DDX60: variants seen among roughly 807,000 people sequenced by gnomAD.
DDX60 encodes probable ATP-dependent RNA helicase DDX60.
Under a neutral mutation model 212.8 loss-of-function variants are expected in DDX60, and 165 were observed. That is an observed-to-expected ratio of 0.78 (90% confidence interval 0.68 to 0.88). The LOEUF (loss-of-function observed/expected upper bound fraction) is 0.88. DDX60 is among the 40% of genes least tolerant of loss of function. The pLI, the probability that DDX60 is intolerant of heterozygous loss-of-function variation, is 0.00. For missense variants in DDX60, 1,905 were observed against 2,003.9 expected (o/e 0.95, Z 0.94); for synonymous variants, 703 against 685.3 (o/e 1.03, Z -0.40).
chr4:168,323,860 C>T (rs1462276329), upstream of DDX60, among the ~76,000 whole-genome samples: 14 of 152,336 alleles, frequency 9.2e-5, no homozygotes, highest in East Asian at 2.5e-3. Flanking sequence ...GTTTAGCCAA[C>T]AGTGCTGATG....
chr4:168,255,636 C>T, intron 26 of DDX60, 75 bp downstream of exon 26: 1 of 1,275,036 alleles, frequency 7.8e-7, no homozygotes, highest in Admixed American at 2.8e-5. Flanking sequence ...AGAACATATT[C>T]AATTTACGTT....
At chr4:168,325,769 C>T in the DDX60 span, among the ~76,000 whole-genome samples, 15 of 152,352 alleles carry the variant, frequency 9.8e-5, no homozygotes, top group African/African-American at 3.6e-4. Context: ...ACACAACAGA[C>T]CTCAGGATTT....
At position 168,246,409 on chromosome 4, in the gene DDX60, G is replaced by T; in HGVS notation, c.4164+9C>A. ...AAGACTGAACCTCAGGCAGTGTCCAGCACGGTACCTTTGCCTTGGCATCCT... is the reference window on the plus strand; with the variant it reads ...AAGACTGAACCTCAGGCAGTGTCCATCACGGTACCTTTGCCTTGGCATCCT... On this transcript the variant is annotated intron_variant, in intron 30 of 37. Transcript: ENST00000393743. 6.2e-7 allele frequency: 1 copy of T among 1,613,620 alleles called. No individual in the cohort carries two copies. Among genetic ancestry groups the T allele is most frequent in the Non-Finnish European group, 8.5e-7 (1 of 1,179,834 alleles).
chr4:168,263,690 G>A (rs887015853), intron 22 of DDX60: 6 of 152,104 alleles, frequency 3.9e-5, no homozygotes, highest in African/African-American at 1.4e-4. Flanking sequence ...ACAGCAAGAA[G>A]ACAGCTTATC....
chr4:168,231,221 T>C (rs998256336), intron 33 of DDX60, among the ~76,000 whole-genome samples: 2 of 151,754 alleles, frequency 1.3e-5, no homozygotes, highest in African/African-American at 4.8e-5. Flanking sequence ...ATTTTTTAAA[T>C]GTCAACAAAA....
At chr4:168,217,492 A>C (rs1732888945) in intron 37 of DDX60, among the ~76,000 whole-genome samples, 4 of 152,218 alleles carry the variant, frequency 2.6e-5, no homozygotes, top group Admixed American at 1.3e-4. Flanking sequence ...AGATATGGTA[A>C]GCAGAATAAT....
upstream of DDX60, among the ~76,000 whole-genome samples, chr4:168,319,798 T>C (rs891768119): frequency 6.6e-6 from 1 of 152,084 alleles, no homozygotes; most frequent in African/African-American, 2.4e-5. Context: ...ACAGGCTGCT[T>C]TGTCTACAAG....
At chr4:168,251,349 A>G (rs1215992964) in intron 27 of DDX60, among the ~76,000 whole-genome samples, 1 of 152,218 alleles carries the variant, frequency 6.6e-6, no homozygotes, top group Admixed American at 6.5e-5. Flanking sequence ...AAATTTTGAC[A>G]AAGTAGCAGA....
At position 168,267,609 on chromosome 4, in the gene DDX60, G is replaced by GT; in HGVS notation, c.3011dup (p.His1004GlnfsTer12). ...GATCTGTTGTTAGTGCAGCACATGGGTGAAAATGATCAAAATGAATGTCAC... is the reference window on the plus strand; with the variant it reads ...GATCTGTTGTTAGTGCAGCACATGGGTTGAAAATGATCAAAATGAATGTCAC... On this transcript the variant is annotated frameshift_variant, in exon 22 of 38. Transcript: ENST00000393743. LOFTEE classifies it high-confidence loss of function. 1.3e-6 allele frequency: 2 copies of GT among 1,598,684 alleles called. 1 individual carries two copies. Among genetic ancestry groups the GT allele is most frequent in the South Asian group, 2.3e-5 (2 of 87,368 alleles).
intron 1 of DDX60, among the ~76,000 whole-genome samples, chr4:168,315,109 A>G (rs940610996): frequency 4.6e-5 from 7 of 152,224 alleles, no homozygotes; most frequent in African/African-American, 1.7e-4. Flanking sequence ...GGTATTTACC[A>G]TCTCTGAGTT....
At chr4:168,219,108 C>T (rs1288724213) in intron 37 of DDX60, among the ~76,000 whole-genome samples, 3 of 150,842 alleles carry the variant, frequency 2.0e-5, no homozygotes, top group African/African-American at 7.4e-5. Flanking sequence ...ATGGTGAAAT[C>T]CCATCTGTAC....
At chr4:168,283,630 G>GT in intron 12 of DDX60, 24 bp from the exon 13 acceptor site, 1 of 1,562,954 alleles carries the variant, frequency 6.4e-7, no homozygotes, top group South Asian at 1.2e-5. Context: ...GACTTAAAAT[G>GT]TAACTTTATT....
chr4:168,233,706 T>G (rs72693109), intron 33 of DDX60, among the ~76,000 whole-genome samples: 5,449 of 152,006 alleles, frequency 0.036, 137 homozygotes, highest in Non-Finnish European at 0.054. Flanking sequence ...TGGGGACCCA[T>G]AGGAAAAGGT....
At chr4:168,281,811 TA>T (rs1735606454) in intron 13 of DDX60, among the ~76,000 whole-genome samples, 1 of 152,184 alleles carries the variant, frequency 6.6e-6, no homozygotes, top group Admixed American at 6.5e-5. Flanking sequence ...TAGAAACAAA[TA>T]ATTCTAATCA....
chr4:168,295,628 A>G (rs1736308511), intron 6 of DDX60, among the ~76,000 whole-genome samples: 1 of 152,206 alleles, frequency 6.6e-6, no homozygotes, highest in African/African-American at 2.4e-5. Context: ...TGAATCGTTC[A>G]TTGCTCAATT....
intron 30 of DDX60, among the ~76,000 whole-genome samples, chr4:168,244,234 T>A (rs987075285): frequency 6.6e-6 from 1 of 152,126 alleles, no homozygotes; most frequent in Non-Finnish European, 1.5e-5. Flanking sequence ...ATCCTGCACA[T>A]GTGCCTCAGA....
At chr4:168,271,651 G>A (rs961485481) in intron 19 of DDX60, among the ~76,000 whole-genome samples, 2 of 152,164 alleles carry the variant, frequency 1.3e-5, no homozygotes, top group African/African-American at 4.8e-5. Context: ...TTAATTATCT[G>A]TTGGGATCAT....
At chr4:168,256,471 C>A (rs1383368115) in intron 25 of DDX60, among the ~76,000 whole-genome samples, 2 of 152,122 alleles carry the variant, frequency 1.3e-5, no homozygotes, top group Admixed American at 6.6e-5. Context: ...TACTTCCTGG[C>A]ACCCTGGGGC....
At chr4:168,257,924 C>G (rs1734477829) in intron 25 of DDX60, among the ~76,000 whole-genome samples, 1 of 152,178 alleles carries the variant, frequency 6.6e-6, no homozygotes, top group South Asian at 2.1e-4. Context: ...AAAACCAGAG[C>G]TGGCATCAAT....
Sources: allele counts gnomAD v4.1 joint callset (sites outside exome capture counted in the v4.1 genomes callset), GRCh38; gene constraint gnomAD v4.1.1; transcripts MANE v1.5; gene names NCBI Gene and HGNC (gene_info 2026-07-23, HGNC 2026-07-21).